TDRD3: variants seen among roughly 807,000 people sequenced by gnomAD.
TDRD3 encodes the protein tudor domain containing 3.
Under a neutral mutation model 86.7 loss-of-function variants are expected in TDRD3, and 45 were observed. The ratio of observed to expected loss-of-function variants is 0.52; its 90% CI spans 0.41 to 0.67. The LOEUF (loss-of-function observed/expected upper bound fraction) is 0.67, where lower values mean the gene tolerates loss of function less well. Among genes scored for constraint, TDRD3 ranks in the 30% least tolerant of loss-of-function variants. The pLI is 0.00. For missense variants in TDRD3, 814 were observed against 889.0 expected, an observed-to-expected ratio of 0.92 and a Z score of 1.07; for synonymous variants, 298 against 301.7, an observed-to-expected ratio of 0.99 and a Z score of 0.13.
chr13:60,462,600 G>T (rs1955825012), intron 4 of TDRD3, among the ~76,000 whole-genome samples: 2 of 152,044 alleles, frequency 1.3e-5, no homozygotes, highest in African/African-American at 4.8e-5. Flanking sequence ...TACCTTACAT[G>T]GGCTTTGCAT....
chr13:60,518,120 C>A (rs1156733294), intron 10 of TDRD3, among the ~76,000 whole-genome samples: 1 of 152,158 alleles, frequency 6.6e-6, no homozygotes, highest in African/African-American at 2.4e-5. Flanking sequence ...AGGCACAGTA[C>A]CAGGTGGGAA....
chr13:60,433,874 C>T (rs966639231), intron 1 of TDRD3, among the ~76,000 whole-genome samples: 1 of 152,156 alleles, frequency 6.6e-6, no homozygotes, highest in Non-Finnish European at 1.5e-5. Context: ...CCGATTTTAC[C>T]TGCTTTCAAA....
At chr13:60,557,206 CAAA>C (rs138618410) in intron 12 of TDRD3, among the ~76,000 whole-genome samples, 3 of 117,776 alleles carry the variant, frequency 2.5e-5, no homozygotes, top group South Asian at 5.3e-4. Flanking sequence ...AACTCTGTCT[CAAA>C]AAAAAAAAAA....
intron 12 of TDRD3, among the ~76,000 whole-genome samples, chr13:60,548,552 A>T (rs1001367630): frequency 6.6e-6 from 1 of 152,192 alleles, no homozygotes; most frequent in African/African-American, 2.4e-5. Flanking sequence ...TTACATTATT[A>T]AAGATTTTTT....
At chr13:60,551,526 G>GA (rs1958052328) in intron 12 of TDRD3, among the ~76,000 whole-genome samples, 1 of 152,156 alleles carries the variant, frequency 6.6e-6, no homozygotes, top group Admixed American at 6.5e-5. Flanking sequence ...TCCAGATCAG[G>GA]AGTTGAGTAT....
At chr13:60,543,938 C>G (rs984173162) in intron 12 of TDRD3, among the ~76,000 whole-genome samples, 1 of 150,864 alleles carries the variant, frequency 6.6e-6, no homozygotes, top group African/African-American at 2.4e-5. Flanking sequence ...TATGAAGACT[C>G]CCATTATCGT....
At chr13:60,525,166 CTTTTTTTTTTT>C (rs71199006) in intron 10 of TDRD3, among the ~76,000 whole-genome samples, 2 of 56,092 alleles carry the variant, frequency 3.6e-5, no homozygotes, top group South Asian at 9.9e-4. Context: ...TAAGGGAATT[CTTTTTTTTTTT>C]TTTTTTTTTT....
At chr13:60,405,537 G>A (rs1258592707) in intron 1 of TDRD3, among the ~76,000 whole-genome samples, 1 of 152,068 alleles carries the variant, frequency 6.6e-6, no homozygotes, top group Non-Finnish European at 1.5e-5. Context: ...TGGAGAATGA[G>A]TGGTAACTGA....
At chr13:60,510,466 A>G (rs1316355948) in intron 9 of TDRD3, among the ~76,000 whole-genome samples, 164 bp from the exon 10 acceptor site, 1 of 152,170 alleles carries the variant, frequency 6.6e-6, no homozygotes, top group Non-Finnish European at 1.5e-5. Flanking sequence ...ACTTAATATA[A>G]TTACTTAAAA....
At chr13:60,496,354 T>G (rs1956720076) in intron 8 of TDRD3, among the ~76,000 whole-genome samples, 1 of 115,952 alleles carries the variant, frequency 8.6e-6, no homozygotes. Context: ...TCCTCTAAAG[T>G]TTTGTCCCTC....
intron 13 of TDRD3, among the ~76,000 whole-genome samples, chr13:60,569,892 C>G (rs935706847): frequency 2.0e-5 from 3 of 152,142 alleles, no homozygotes; most frequent in African/African-American, 4.8e-5. Context: ...AACTAGATTC[C>G]TACTCTCATC....
At chr13:60,569,159 G>A (rs1012296556) in intron 13 of TDRD3, among the ~76,000 whole-genome samples, 2 of 151,980 alleles carry the variant, frequency 1.3e-5, no homozygotes, top group African/African-American at 4.8e-5. Flanking sequence ...TGTGGAGATG[G>A]GGTTTTGCCA....
chr13:60,464,643 G>A (rs180710650), intron 4 of TDRD3, among the ~76,000 whole-genome samples: 1 of 152,190 alleles, frequency 6.6e-6, no homozygotes, highest in East Asian at 1.9e-4. Context: ...ATGAAATCTT[G>A]TCATTTGCAA....
chr13:60,459,359 G>A (rs900552507), intron 3 of TDRD3, among the ~76,000 whole-genome samples: 2 of 152,240 alleles, frequency 1.3e-5, no homozygotes, highest in Middle Eastern at 3.4e-3. Flanking sequence ...TTTCAGACAC[G>A]TAAGCAGATT....
At position 60,494,531 on chromosome 13, in the gene TDRD3, T is replaced by A; in HGVS notation, c.814T>A (p.Ser272Thr). The change falls in exon 8 of 14, where the codon TCA (serine) becomes ACA (threonine). Residue 272 changes from serine to threonine, a missense_variant. Transcript: ENST00000377881. ...RNREVLQKEK[S>T]TKSEGKHEGV... Reference sequence around the variant, plus strand: ...TAGGGAAGTTTTACAGAAAGAAAAGTCAACCAAATCAGAGGGAAAACATGA... The same window carrying A: ...TAGGGAAGTTTTACAGAAAGAAAAGACAACCAAATCAGAGGGAAAACATGA... 3.7e-6 allele frequency: 6 copies of A among 1,613,724 alleles called. No individual in the cohort carries two copies. Among genetic ancestry groups the A allele is most frequent in the Non-Finnish European group, 5.1e-6 (6 of 1,179,808 alleles).
chr13:60,436,388 G>A (rs972208293), intron 1 of TDRD3, among the ~76,000 whole-genome samples: 2 of 152,020 alleles, frequency 1.3e-5, no homozygotes, highest in Non-Finnish European at 2.9e-5. Context: ...AAAATGTTTA[G>A]AATTTTCATG....
At position 60,397,272 on chromosome 13, in the gene TDRD3, CTTT is replaced by C. The variant is rs1210097114; in HGVS notation, c.-82_-80del. On this transcript the variant is annotated 5_prime_UTR_variant, in exon 1 of 14. Transcript: ENST00000377881. ...CCAGAGGAGTTTTTTCTTTTCTTTT[CTTT>C]TTTTTTTTTTAAGGGGGGGGGTCTC... The C allele has an allele frequency of 1.9e-4, 89 of 461,824 alleles. No individual in the cohort carries two copies. Among genetic ancestry groups the C allele is most frequent in the Middle Eastern group, 7.1e-4 (1 of 1,412 alleles). 28.6% of individuals were successfully genotyped at this position (461,824 alleles called of 1,614,324 possible). A position where few individuals can be genotyped will look rare whatever the true frequency, so the allele number is the denominator to read the frequency against.
chr13:60,573,396 C>G lies in TDRD3; in HGVS notation c.*10-220C>G, dbSNP rs139573185. Among the ~76,000 whole-genome samples, 529 of 151,838 alleles carry G rather than the reference C, an allele frequency of 3.5e-3. 3 individuals carry two copies. The highest frequency in any genetic ancestry group is 0.012 in the African/African-American group (507 of 41,428). ...TGGCAGAGATGTACTTTAACAAAGTCTAAAAAAAAAATTTATTTTCAAAAA... is the reference window on the plus strand; with the variant it reads ...TGGCAGAGATGTACTTTAACAAAGTGTAAAAAAAAAATTTATTTTCAAAAA... On this transcript the variant is annotated intron_variant, in intron 13 of 13. Coordinates refer to ENST00000377881, the MANE Select transcript of TDRD3 (RefSeq NM_001146070.2).
chr13:60,466,180 A>G (rs1232706818), intron 4 of TDRD3, among the ~76,000 whole-genome samples: 1 of 120,558 alleles, frequency 8.3e-6, no homozygotes, highest in Non-Finnish European at 1.7e-5. Flanking sequence ...GGTGAACAAA[A>G]AAAGAGCATT....
Sources: gnomAD v4.1 joint callset for allele counts (sites outside exome capture counted in the v4.1 genomes callset) on GRCh38, gnomAD v4.1.1 for gene constraint, MANE v1.5 for transcripts, NCBI Gene and HGNC (gene_info 2026-07-23, HGNC 2026-07-21) for gene names.